The following CELF2 variants were observed in gnomAD, a reference collection of about 807,000 sequenced individuals.
The protein encoded by CELF2 is CUG triplet repeat RNA-binding protein 2.
Under a neutral mutation model 62.6 loss-of-function variants are expected in CELF2, and 8 were observed. That is an observed-to-expected ratio of 0.13 (90% CI 0.07 to 0.23). The LOEUF is 0.23. Ranked by LOEUF, CELF2 falls within the 10% of genes least tolerant of loss-of-function variation. The probability of loss-of-function intolerance (pLI) is 1.00; values close to 1 mark genes in which losing one functional copy is unlikely to be tolerated. For missense variants in CELF2, 333 were observed against 671.0 expected (o/e 0.50, Z 5.56); for synonymous variants, 258 against 250.0 (o/e 1.03, Z -0.30).
In CELF2 at chr10:11,291,517, G is replaced by A. The variant is rs568692059; in HGVS notation, c.976+2965G>A. Among the ~76,000 whole-genome samples, 8 of 152,222 alleles carry A rather than the reference G, an allele frequency of 5.3e-5. No homozygotes were observed. The South Asian group carries it at 1.4e-3, about 28-fold the overall frequency. ...TAAGTGTTTCGTGCAATTATCAGATGGTAGTGAATAAAATTAGAAATTAAA... is the reference window on the plus strand; with the variant it reads ...TAAGTGTTTCGTGCAATTATCAGATAGTAGTGAATAAAATTAGAAATTAAA... On this transcript the variant is annotated intron_variant, in intron 9 of 12. Coordinates refer to ENST00000633077, the MANE Select transcript of CELF2 (RefSeq NM_001326342.2).
At chr10:11,020,038 A>G (rs1332908046) in intron 1 of CELF2, among the ~76,000 whole-genome samples, 2 of 152,252 alleles carry the variant, frequency 1.3e-5, no homozygotes, top group Admixed American at 6.5e-5. Context: ...TTTCTTGTCA[A>G]TTAAATTATG....
rs111615560 is a variant in CELF2 at position 11,082,796 on chromosome 10, G to A, written c.74+64633G>A. Among the ~76,000 whole-genome samples, 416 of 152,312 alleles carry A rather than the reference G, an allele frequency of 2.7e-3. 3 individuals are homozygous for A. Among genetic ancestry groups the A allele is most frequent in the African/African-American group, 6.7e-3 (277 of 41,562 alleles). On this transcript the variant is annotated intron_variant, in intron 1 of 12. Coordinates refer to ENST00000633077, the MANE Select transcript of CELF2 (RefSeq NM_001326342.2). ...GGCCTGCTTGCTTCATCCATGGTAG[G>A]AAACAATCTATTGACTTCAAGATAC...
chr10:10,497,865 C>T, the CELF2 span, among the ~76,000 whole-genome samples: 202 of 152,208 alleles, frequency 1.3e-3, no homozygotes, highest in African/African-American at 4.5e-3. Context: ...ATAACTGGAC[C>T]GCCTTACAAT....
Position 11,214,656 on chromosome 10 carries a change from A to G in CELF2, c.272-2769A>G, listed in dbSNP as rs2062821252. ...GGGGCTCAGCTCTTGGGTCGGACAGATGAACGGTAAGGCACATTAGCAGTG... is the reference window on the plus strand; with the variant it reads ...GGGGCTCAGCTCTTGGGTCGGACAGGTGAACGGTAAGGCACATTAGCAGTG... On this transcript the variant is annotated intron_variant, in intron 2 of 12. Coordinates refer to ENST00000633077, the MANE Select transcript of CELF2 (RefSeq NM_001326342.2). The surrounding 1 kb of genome is among the most constrained non-coding windows in gnomAD (Gnocchi z 4.2). Among the ~76,000 whole-genome samples, 2 of 152,214 alleles carry G rather than the reference A, an allele frequency of 1.3e-5. No homozygotes were observed. The highest frequency in any genetic ancestry group is 4.8e-5 in the African/African-American group (2 of 41,464).
At chr10:11,034,083 G>T (rs7894864) in intron 1 of CELF2, among the ~76,000 whole-genome samples, 59,912 of 151,988 alleles carry the variant, frequency 0.39, 12,381 homozygotes, top group East Asian at 0.76. Flanking sequence ...TACAAAAATT[G>T]TATGAAGTAT....
intron 1 of CELF2, among the ~76,000 whole-genome samples, chr10:11,087,220 T>C (rs2047059677): frequency 6.6e-6 from 1 of 152,192 alleles, no homozygotes; most frequent in African/African-American, 2.4e-5. Context: ...AGGAATGCTC[T>C]TCATATACCG....
At chr10:10,747,943 G>C in the CELF2 span, among the ~76,000 whole-genome samples, 1 of 152,066 alleles carries the variant, frequency 6.6e-6, no homozygotes, top group Admixed American at 6.5e-5. Flanking sequence ...TGCCCAGCCG[G>C]GTTTACATTT....
At chr10:10,751,478 T>C in the CELF2 span, among the ~76,000 whole-genome samples, 1,120 of 152,326 alleles carry the variant, frequency 7.4e-3, 23 homozygotes, top group African/African-American at 0.025. Flanking sequence ...TAGACCACCA[T>C]AGATAGTTGT....
chr10:10,557,781 A>T, the CELF2 span, among the ~76,000 whole-genome samples: 4 of 143,576 alleles, frequency 2.8e-5, no homozygotes, highest in Non-Finnish European at 6.1e-5. Flanking sequence ...TAGGTATTTT[A>T]TTCTCTTTGA....
At chr10:11,151,476 A>G (rs1396494855) in intron 1 of CELF2, among the ~76,000 whole-genome samples, 3 of 152,194 alleles carry the variant, frequency 2.0e-5, no homozygotes, top group African/African-American at 7.2e-5. Flanking sequence ...TCTTTTGGCA[A>G]GGCTGTGTTC....
At chr10:11,199,481 G>T (rs1380858046) in intron 2 of CELF2, among the ~76,000 whole-genome samples, 19 of 152,168 alleles carry the variant, frequency 1.2e-4, no homozygotes, top group Non-Finnish European at 2.8e-4. Context: ...GTTGGGTATG[G>T]TCTGTGTAGA....
chr10:11,117,460 T>C lies in CELF2; in HGVS notation c.75-48026T>C, dbSNP rs2056798521. Among the ~76,000 whole-genome samples, 1 of 152,218 alleles carries C rather than the reference T, an allele frequency of 6.6e-6. No homozygotes were observed. Among genetic ancestry groups the C allele is most frequent in the Non-Finnish European group, 1.5e-5 (1 of 68,038 alleles). ...AGATGCTCAAGGAGGCCTTGCTGTC[T>C]ACCTGTGCTACCAGCTTTCCTGTGC... On this transcript the variant is annotated intron_variant, in intron 1 of 12. Coordinates refer to ENST00000633077, the MANE Select transcript of CELF2 (RefSeq NM_001326342.2). This position sits in a 1 kb window ranked among gnomAD's most constrained non-coding sequence, Gnocchi z 4.1.
the CELF2 span, among the ~76,000 whole-genome samples, chr10:10,623,519 C>G: frequency 6.6e-6 from 1 of 152,120 alleles, no homozygotes; most frequent in African/African-American, 2.4e-5. Flanking sequence ...CTCTATTTTC[C>G]CTGGTTACAG....
chr10:10,466,971 C>T, the CELF2 span, among the ~76,000 whole-genome samples: 1 of 152,016 alleles, frequency 6.6e-6, no homozygotes, highest in South Asian at 2.1e-4. Context: ...GAATACATTT[C>T]CTCCCAGTAT....
chr10:11,066,790 G>A (rs1241974415), intron 1 of CELF2, among the ~76,000 whole-genome samples: 3 of 152,096 alleles, frequency 2.0e-5, no homozygotes, highest in Non-Finnish European at 2.9e-5. Flanking sequence ...CCCAATTACA[G>A]CATGGTTTCC....
chr10:10,480,106 T>C, the CELF2 span, among the ~76,000 whole-genome samples: 3 of 152,218 alleles, frequency 2.0e-5, no homozygotes, highest in African/African-American at 7.2e-5. Flanking sequence ...TTCCTGGTTC[T>C]TTCTTCACCA....
intron 1 of CELF2, among the ~76,000 whole-genome samples, chr10:11,123,674 C>T (rs532982681): frequency 6.6e-6 from 1 of 152,288 alleles, no homozygotes; most frequent in East Asian, 1.9e-4. Flanking sequence ...TTGCTCTTTG[C>T]AGAAAAGAGC....
At chr10:11,083,005 A>G (rs1299294761) in intron 1 of CELF2, among the ~76,000 whole-genome samples, 1 of 152,210 alleles carries the variant, frequency 6.6e-6, no homozygotes, top group East Asian at 1.9e-4. Context: ...AATTCCATTC[A>G]TATAAGAATA....
At chr10:10,837,104 T>C (rs2132404865) in intron 1 of CELF2, among the ~76,000 whole-genome samples, 1 of 152,344 alleles carries the variant, frequency 6.6e-6, no homozygotes, top group South Asian at 2.1e-4. Context: ...ACTGCTGATA[T>C]GGTTTGGTTG....
Sources: gnomAD v4.1 joint callset for allele counts (sites outside exome capture counted in the v4.1 genomes callset) on GRCh38, gnomAD v4.1.1 for gene constraint, Gnocchi (gnomAD v3.1) non-coding constraint, MANE v1.5 for transcripts, NCBI Gene and HGNC (gene_info 2026-07-23, HGNC 2026-07-21) for gene names.